NFATC3: variants seen among roughly 807,000 people sequenced by gnomAD.
NFATC3 encodes nuclear factor of activated T-cells, cytoplasmic 3.
Under a neutral mutation model 98.6 loss-of-function variants are expected in NFATC3, and 46 were observed. The observed-to-expected ratio is 0.47, with a 90% CI of 0.37 to 0.60. The LOEUF (loss-of-function observed/expected upper bound fraction) is 0.60. Ranked by LOEUF, NFATC3 falls within the 20% of genes least tolerant of loss-of-function variation. NFATC3 has a pLI of 0.00. For missense variants in NFATC3, 1,256 were observed against 1,295.5 expected, an observed-to-expected ratio of 0.97 and a Z score of 0.47; for synonymous variants, 512 against 472.2, an observed-to-expected ratio of 1.08 and a Z score of -1.09.
At chr16:68,190,725 A>G (rs770407720) in intron 8 of NFATC3, 43 bp from the exon 9 acceptor site, 9 of 1,534,300 alleles carry the variant, frequency 5.9e-6, no homozygotes, top group Non-Finnish European at 7.0e-6. Context: ...TGATAATTTT[A>G]TGTATTGTAT....
intron 9 of NFATC3, 112 bp downstream of exon 9, chr16:68,191,887 T>A: frequency 8.8e-7 from 1 of 1,142,844 alleles, no homozygotes; most frequent in Non-Finnish European, 1.3e-6. Context: ...GTTGGGCTTT[T>A]AAATAAGTTG....
intron 1 of NFATC3, chr16:68,088,823 T>C (rs2418737): frequency 0.16 from 42,873 of 270,152 alleles, 3,550 homozygotes; most frequent in African/African-American, 0.24. Flanking sequence ...CATGGGCCAC[T>C]GCACCCTGCC....
At chr16:68,205,736 A>C (rs1436318991) in intron 9 of NFATC3, among the ~76,000 whole-genome samples, 1 of 152,142 alleles carries the variant, frequency 6.6e-6, no homozygotes, top group African/African-American at 2.4e-5. Context: ...CTAGCATATT[A>C]TGTATACTAG....
intron 9 of NFATC3, 100 bp downstream of exon 9, chr16:68,191,875 T>C: frequency 4.7e-6 from 6 of 1,269,560 alleles, no homozygotes; most frequent in Non-Finnish European, 5.5e-6. Context: ...TATTGGCATA[T>C]GGTTGGGCTT....
intron 9 of NFATC3, among the ~76,000 whole-genome samples, chr16:68,195,495 C>A (rs1483902107): frequency 6.6e-6 from 1 of 150,638 alleles, no homozygotes; most frequent in Admixed American, 6.6e-5. Context: ...TATAGTGAGA[C>A]CCTGTCTCTA....
At chr16:68,093,217 T>C (rs1367637132) in intron 1 of NFATC3, among the ~76,000 whole-genome samples, 1 of 152,214 alleles carries the variant, frequency 6.6e-6, no homozygotes, top group Non-Finnish European at 1.5e-5. Flanking sequence ...ACTTTTTCTT[T>C]TGTGAGACAA....
At chr16:68,218,176 T>C (rs9928653) in intron 9 of NFATC3, 70,335 of 317,374 alleles carry the variant, frequency 0.22, 10,053 homozygotes, top group African/African-American at 0.5. Flanking sequence ...GATCCTCTTG[T>C]CTCAACCTCC....
chr16:68,138,683 T>C (rs1429270952), intron 3 of NFATC3: 1 of 1,286,870 alleles, frequency 7.8e-7, no homozygotes, highest in Non-Finnish European at 1.0e-6. Context: ...CACATGGCCC[T>C]ACTTACATGC....
chr16:68,214,405 T>C (rs149294776), intron 9 of NFATC3: 65 of 1,614,038 alleles, frequency 4.0e-5, no homozygotes, highest in Non-Finnish European at 5.3e-5. Context: ...TGCTCTCATG[T>C]CCAGCTCCTT....
At chr16:68,154,266 G>A (rs2038493333) in intron 3 of NFATC3, among the ~76,000 whole-genome samples, 1 of 152,112 alleles carries the variant, frequency 6.6e-6, no homozygotes, top group Admixed American at 6.6e-5. Context: ...GGGTACTGAA[G>A]CTCAGATCTG....
intron 1 of NFATC3, 80 bp downstream of exon 1, chr16:68,085,864 G>T: frequency 9.0e-7 from 1 of 1,111,982 alleles, no homozygotes. Context: ...CTGTTCCCTT[G>T]GATGACCGGA....
chr16:68,085,850 C>A, intron 1 of NFATC3, 66 bp downstream of exon 1: 1 of 1,222,626 alleles, frequency 8.2e-7, no homozygotes. Context: ...CTCTCGCTCC[C>A]TCCCTGTTCC....
chr16:68,085,666 A>G lies in NFATC3; in HGVS notation c.-16A>G. On this transcript the variant is annotated 5_prime_UTR_variant, in exon 1 of 10. Coordinates refer to ENST00000346183, the MANE Select transcript of NFATC3 (RefSeq NM_173165.3). Reference sequence around the variant, plus strand: ...CCGCCGCCTGAGGAGGAGCTGCAGCACCCTGGGCCACGCCGATGACTACTG... The same window carrying G: ...CCGCCGCCTGAGGAGGAGCTGCAGCGCCCTGGGCCACGCCGATGACTACTG... 6.6e-7 allele frequency: 1 copy of G among 1,506,846 alleles called. No homozygotes were observed. Among genetic ancestry groups the G allele is most frequent in the Non-Finnish European group, 8.8e-7 (1 of 1,130,030 alleles). 93.3% of individuals were successfully genotyped at this position (1,506,846 alleles called of 1,614,324 possible).
At chr16:68,196,019 G>C (rs1011764593) in intron 9 of NFATC3, among the ~76,000 whole-genome samples, 4 of 151,534 alleles carry the variant, frequency 2.6e-5, no homozygotes, top group African/African-American at 9.7e-5. Flanking sequence ...CACCACACCT[G>C]ACCAATTTTT....
Position 68,096,498 on chromosome 16 carries a change from T to A in NFATC3, c.103+10714T>A, listed in dbSNP as rs911744585. Among the ~76,000 whole-genome samples, 4 of 152,326 alleles carry A rather than the reference T, an allele frequency of 2.6e-5. No individual in the cohort carries two copies. The South Asian group carries it at 6.2e-4, about 24-fold the overall frequency. On this transcript the variant is annotated intron_variant, in intron 1 of 9. Coordinates refer to ENST00000346183, the MANE Select transcript of NFATC3 (RefSeq NM_173165.3). The stretch of plus-strand genomic sequence containing the variant: ...ATTTAATCTTTTAATTAAGTTTTGT[T>A]AAGTGTCAGTATTATTATGTGCCAA...
chr16:68,115,275 G>A (rs1167722589), intron 1 of NFATC3, among the ~76,000 whole-genome samples: 1 of 151,998 alleles, frequency 6.6e-6, no homozygotes, highest in Non-Finnish European at 1.5e-5. Flanking sequence ...TGTTGTCCAG[G>A]CTGGTCTCGA....
At chr16:68,208,326 A>G (rs1038529369) in intron 9 of NFATC3, among the ~76,000 whole-genome samples, 3 of 152,122 alleles carry the variant, frequency 2.0e-5, no homozygotes, top group Admixed American at 6.6e-5. Context: ...ATGAGCCACC[A>G]TGCCCGGTCT....
chr16:68,106,563 T>G (rs368617310), intron 1 of NFATC3, among the ~76,000 whole-genome samples: 24 of 152,158 alleles, frequency 1.6e-4, no homozygotes, highest in African/African-American at 5.1e-4. Context: ...GTGCAGGGAT[T>G]ACAGGCATGA....
intron 6 of NFATC3, among the ~76,000 whole-genome samples, chr16:68,175,425 A>C (rs749065310): frequency 6.6e-6 from 1 of 152,224 alleles, no homozygotes; most frequent in Non-Finnish European, 1.5e-5. Context: ...TAGTATGTGA[A>C]TTATACCTCA....
Sources: gnomAD v4.1 joint callset for allele counts (sites outside exome capture counted in the v4.1 genomes callset) on GRCh38, gnomAD v4.1.1 for gene constraint, MANE v1.5 for transcripts, NCBI Gene and HGNC (gene_info 2026-07-23, HGNC 2026-07-21) for gene names.